PDE1C: variants seen among roughly 807,000 people sequenced by gnomAD.
The protein encoded by PDE1C is dual specificity calcium/calmodulin-dependent 3',5'-cyclic nucleotide phosphodiesterase 1C.
In PDE1C, 62 loss-of-function variants were observed where a neutral mutation model predicts 93.1. The ratio of observed to expected loss-of-function variants is 0.67; its 90% CI spans 0.54 to 0.82. The LOEUF (loss-of-function observed/expected upper bound fraction) is 0.82. PDE1C is among the 40% of genes least tolerant of loss of function. The pLI, the probability that PDE1C is intolerant of heterozygous loss-of-function variation, is 0.00. For synonymous variants in PDE1C, 325 were observed against 310.1 expected (o/e 1.05, Z -0.50); for missense variants, 742 against 884.6 (o/e 0.84, Z 2.04).
intron 2 of PDE1C, among the ~76,000 whole-genome samples, chr7:31,917,176 A>G (rs1366189399): frequency 6.6e-6 from 1 of 152,144 alleles, no homozygotes; most frequent in Non-Finnish European, 1.5e-5. Context: ...CATCCCAAAT[A>G]TCACCACAAG....
chr7:32,073,886 A>T (rs3793246), upstream of PDE1C, among the ~76,000 whole-genome samples: 58,198 of 152,036 alleles, frequency 0.38, 12,696 homozygotes, highest in Non-Finnish European at 0.51. Flanking sequence ...GCCACTCACA[A>T]CTTTGCTTTA....
intron 2 of PDE1C, among the ~76,000 whole-genome samples, chr7:31,900,076 A>G (rs1323632209): frequency 6.6e-6 from 1 of 152,224 alleles, no homozygotes; most frequent in East Asian, 1.9e-4. Context: ...CATATTGGAA[A>G]AGAGCAATAC....
intron 3 of PDE1C, among the ~76,000 whole-genome samples, chr7:32,148,607 A>C (rs1801054781): frequency 6.6e-6 from 1 of 152,204 alleles, no homozygotes; most frequent in South Asian, 2.1e-4. Context: ...AAAATTAAAA[A>C]TTCAGTCCCT....
the PDE1C span, among the ~76,000 whole-genome samples, chr7:31,639,358 G>T: frequency 1.3e-5 from 2 of 151,772 alleles, no homozygotes; most frequent in Non-Finnish European, 2.9e-5. Flanking sequence ...CTTTTCTTCT[G>T]CAGTCTCTAA....
chr7:32,243,370 C>A (rs1294669957), intron 1 of PDE1C, among the ~76,000 whole-genome samples: 4 of 152,140 alleles, frequency 2.6e-5, no homozygotes, highest in Non-Finnish European at 5.9e-5. Flanking sequence ...TAGAGATCAG[C>A]AGCTTGGGGT....
At chr7:31,675,837 AAG>A in the PDE1C span, among the ~76,000 whole-genome samples, 2 of 152,158 alleles carry the variant, frequency 1.3e-5, no homozygotes, top group Non-Finnish European at 2.9e-5. Flanking sequence ...GTAAAAGAGA[AAG>A]AAAGGAAATA....
At chr7:31,873,265 A>AT (rs778868240) in intron 6 of PDE1C, 27 bp downstream of exon 6, 62 of 1,361,038 alleles carry the variant, frequency 4.6e-5, no homozygotes, top group Non-Finnish European at 6.2e-5. Flanking sequence ...TAGTTTATTT[A>AT]TTTTTTCTTT....
At chr7:31,965,993 A>G (rs1004633716) in intron 2 of PDE1C, among the ~76,000 whole-genome samples, 2 of 152,346 alleles carry the variant, frequency 1.3e-5, no homozygotes, top group East Asian at 1.9e-4. Context: ...AGTACCAGCC[A>G]CTGCAAAAAC....
At chr7:31,963,604 T>G (rs1311225795) in intron 2 of PDE1C, among the ~76,000 whole-genome samples, 1 of 152,218 alleles carries the variant, frequency 6.6e-6, no homozygotes, top group Non-Finnish European at 1.5e-5. Context: ...CCTGTAATTT[T>G]TGAGAGTAAT....
At chr7:31,946,225 A>C (rs933209573) in intron 2 of PDE1C, among the ~76,000 whole-genome samples, 5 of 152,096 alleles carry the variant, frequency 3.3e-5, no homozygotes, top group African/African-American at 1.2e-4. Flanking sequence ...TTTTGGGAAA[A>C]AAGCTGAGGC....
intron 6 of PDE1C, among the ~76,000 whole-genome samples, chr7:31,871,190 C>G (rs1583699273): frequency 6.6e-6 from 1 of 151,958 alleles, no homozygotes; most frequent in Non-Finnish European, 1.5e-5. Flanking sequence ...AAGAATAAAA[C>G]TAGACATCCA....
chr7:32,139,022 C>A (rs1241006685), intron 3 of PDE1C, among the ~76,000 whole-genome samples: 1 of 152,128 alleles, frequency 6.6e-6, no homozygotes, highest in African/African-American at 2.4e-5. Flanking sequence ...AATGGAGGAA[C>A]TCAGTTTGTA....
At chr7:32,246,066 T>G (rs1164941377) in intron 1 of PDE1C, among the ~76,000 whole-genome samples, 2 of 148,916 alleles carry the variant, frequency 1.3e-5, no homozygotes, top group East Asian at 4.0e-4. Context: ...ACTCCTGGAC[T>G]CAAGCAGTCC....
intron 11 of PDE1C, among the ~76,000 whole-genome samples, chr7:31,833,084 C>T (rs1790629617): frequency 6.6e-6 from 1 of 152,076 alleles, no homozygotes; most frequent in Non-Finnish European, 1.5e-5. Context: ...GGGCAGTTTC[C>T]TCCATACTGT....
intron 1 of PDE1C, among the ~76,000 whole-genome samples, chr7:32,410,426 A>C (rs954916640): frequency 6.6e-6 from 1 of 151,430 alleles, no homozygotes; most frequent in African/African-American, 2.4e-5. Context: ...AAGAAGAGGA[A>C]GAGGAGGAGG....
At chr7:31,884,155 A>G (rs1446399569) in intron 2 of PDE1C, among the ~76,000 whole-genome samples, 1 of 152,226 alleles carries the variant, frequency 6.6e-6, no homozygotes, top group Non-Finnish European at 1.5e-5. Flanking sequence ...CACTCTGTTT[A>G]TGGAAGAACA....
At chr7:31,790,172 G>A (rs1239053744) in intron 16 of PDE1C, 3 of 1,603,140 alleles carry the variant, frequency 1.9e-6, no homozygotes, top group Middle Eastern at 1.7e-4. Flanking sequence ...AGAAGGAGAA[G>A]AAGGAGAATG....
the PDE1C span, among the ~76,000 whole-genome samples, chr7:31,663,583 C>T: frequency 6.6e-6 from 1 of 152,198 alleles, no homozygotes. Flanking sequence ...TTTAAATTCT[C>T]TCCTCCAGTT....
the PDE1C span, among the ~76,000 whole-genome samples, chr7:31,728,618 G>A: frequency 5.9e-5 from 9 of 152,140 alleles, no homozygotes. Context: ...CGAGTACTGA[G>A]GATATAGAGA....
Sources: allele counts gnomAD v4.1 joint callset (sites outside exome capture counted in the v4.1 genomes callset), GRCh38; gene constraint gnomAD v4.1.1; transcripts MANE v1.5; gene names NCBI Gene and HGNC (gene_info 2026-07-23, HGNC 2026-07-21).